The following PDE4B variants were observed in gnomAD, a reference collection of about 807,000 sequenced individuals.
PDE4B encodes phosphodiesterase 4B.
In PDE4B, 20 loss-of-function variants were observed where a neutral mutation model predicts 82.2. The ratio of observed to expected loss-of-function variants is 0.24; its 90% CI spans 0.17 to 0.35. The LOEUF is 0.35. PDE4B is among the 10% of genes least tolerant of loss of function. The pLI, the probability that PDE4B is intolerant of heterozygous loss-of-function variation, is 1.00. For synonymous variants in PDE4B, 320 were observed against 318.9 expected (o/e 1.00, Z -0.04); for missense variants, 655 against 907.2 (o/e 0.72, Z 3.57).
chr1:65,842,968 G>A (rs10493388), intron 1 of PDE4B, among the ~76,000 whole-genome samples: 10,930 of 152,190 alleles, frequency 0.072, 680 homozygotes, highest in East Asian at 0.34. Flanking sequence ...CAGACAGAGG[G>A]TGTTACATAT....
At chr1:65,830,354 A>G (rs1646068580) in intron 1 of PDE4B, among the ~76,000 whole-genome samples, 1 of 152,164 alleles carries the variant, frequency 6.6e-6, no homozygotes, top group Admixed American at 6.6e-5. Flanking sequence ...CTCTGCCTTG[A>G]GTGTGGACTG....
At chr1:65,909,842 A>C (rs1477976113) in intron 1 of PDE4B, among the ~76,000 whole-genome samples, 1 of 152,108 alleles carries the variant, frequency 6.6e-6, no homozygotes, top group East Asian at 1.9e-4. Context: ...TTTTAATATC[A>C]CTCCTTTTTG....
At chr1:65,886,170 A>T (rs973875340) in intron 1 of PDE4B, among the ~76,000 whole-genome samples, 1 of 152,000 alleles carries the variant, frequency 6.6e-6, no homozygotes, top group East Asian at 1.9e-4. Flanking sequence ...TAAATTGCTG[A>T]ATCTATCCAA....
chr1:66,156,801 ACT>A (rs1195422402), intron 3 of PDE4B, among the ~76,000 whole-genome samples: 2 of 151,778 alleles, frequency 1.3e-5, no homozygotes, highest in African/African-American at 4.8e-5. Flanking sequence ...TCCTGGAAAC[ACT>A]CTTCTTCACT....
chr1:66,198,447 A>T (rs1648528652), intron 3 of PDE4B, among the ~76,000 whole-genome samples: 1 of 152,176 alleles, frequency 6.6e-6, no homozygotes, highest in South Asian at 2.1e-4. Context: ...CATAAAGCAT[A>T]GTCAAGCTAG....
chr1:65,973,111 A>C (rs1650231349), intron 3 of PDE4B, among the ~76,000 whole-genome samples: 1 of 152,144 alleles, frequency 6.6e-6, no homozygotes, highest in Admixed American at 6.6e-5. Context: ...CAGCTCCAGA[A>C]CCATTTCCAT....
chr1:66,182,469 TCA>T (rs1325990181), intron 3 of PDE4B, among the ~76,000 whole-genome samples: 1 of 152,182 alleles, frequency 6.6e-6, no homozygotes, highest in Non-Finnish European at 1.5e-5. Flanking sequence ...CTTATTTAAT[TCA>T]GTTTTAATTG....
intron 3 of PDE4B, among the ~76,000 whole-genome samples, chr1:65,997,663 T>C (rs1651627274): frequency 6.6e-6 from 1 of 152,304 alleles, no homozygotes; most frequent in Non-Finnish European, 1.5e-5. Context: ...TCTTTACATG[T>C]TTATTGATTC....
intron 1 of PDE4B, among the ~76,000 whole-genome samples, chr1:65,894,264 A>G (rs1646885126): frequency 6.6e-6 from 1 of 152,212 alleles, no homozygotes; most frequent in African/African-American, 2.4e-5. Flanking sequence ...CCATGCCTAT[A>G]CCAGCAAGTA....
intron 15 of PDE4B, 145 bp from the exon 16 acceptor site, chr1:66,368,642 T>C (rs914619627): frequency 2.1e-6 from 1 of 485,696 alleles, no homozygotes; most frequent in African/African-American, 2.0e-5. Context: ...TGTAATTCCA[T>C]TTTTTTTCGG....
At chr1:66,011,223 CAAA>C (rs11372306) in intron 3 of PDE4B, among the ~76,000 whole-genome samples, 4 of 133,766 alleles carry the variant, frequency 3.0e-5, no homozygotes, top group African/African-American at 2.8e-5. Context: ...ATTCATCTGC[CAAA>C]AAAAAAAAAA....
At chr1:65,870,100 T>A (rs1233079134) in intron 1 of PDE4B, among the ~76,000 whole-genome samples, 1 of 152,182 alleles carries the variant, frequency 6.6e-6, no homozygotes, top group African/African-American at 2.4e-5. Flanking sequence ...TTTTACAGTA[T>A]CTTGCTAAGA....
At chr1:65,906,030 A>G (rs1569631669) in intron 1 of PDE4B, among the ~76,000 whole-genome samples, 1 of 152,124 alleles carries the variant, frequency 6.6e-6, no homozygotes, top group Non-Finnish European at 1.5e-5. Context: ...TTCATGATGG[A>G]TGGAAATGGG....
chr1:65,985,972 G>T (rs1650935476), intron 3 of PDE4B, among the ~76,000 whole-genome samples: 1 of 152,082 alleles, frequency 6.6e-6, no homozygotes. Flanking sequence ...AAAGAACAAA[G>T]AAATGTTAGC....
rs1427740268 is a variant in PDE4B at position 65,793,191 on chromosome 1, C to A, written c.-128C>A. The A allele has an allele frequency of 3.3e-5, 5 of 152,282 alleles. No individual in the cohort carries two copies. The highest frequency in any genetic ancestry group is 1.2e-4 in the African/African-American group (5 of 41,448). 9.4% of individuals were successfully genotyped at this position (152,282 alleles called of 1,614,324 possible). ...GGCGTCCAGAGCGCTGCGGCCGCGGCGGTGCAGCAGAGGCGCCTCGGGCAG... is the reference window on the plus strand; with the variant it reads ...GGCGTCCAGAGCGCTGCGGCCGCGGAGGTGCAGCAGAGGCGCCTCGGGCAG... On this transcript the variant is annotated 5_prime_UTR_variant, in exon 1 of 17. Coordinates refer to ENST00000341517, the MANE Select transcript of PDE4B (RefSeq NM_002600.4).
chr1:66,152,495 T>C (rs1483657335), intron 3 of PDE4B: 2 of 324,064 alleles, frequency 6.2e-6, no homozygotes, highest in East Asian at 1.5e-4. Flanking sequence ...TGGAAGCCAG[T>C]ATCAGTCATG....
At chr1:66,302,446 A>G (rs12030788) in intron 7 of PDE4B, among the ~76,000 whole-genome samples, 5,359 of 152,244 alleles carry the variant, frequency 0.035, 253 homozygotes, top group East Asian at 0.25. Context: ...TATTAAAATT[A>G]GCTTTCATTT....
At chr1:65,837,574 C>T (rs1041543427) in intron 1 of PDE4B, among the ~76,000 whole-genome samples, 3 of 152,184 alleles carry the variant, frequency 2.0e-5, no homozygotes, top group African/African-American at 7.2e-5. Context: ...TGCCACTGCT[C>T]TTCAGCCTGG....
intron 3 of PDE4B, among the ~76,000 whole-genome samples, chr1:66,243,783 A>G (rs1653075964): frequency 6.6e-6 from 1 of 152,222 alleles, no homozygotes; most frequent in South Asian, 2.1e-4. Flanking sequence ...CAGATGAGCA[A>G]TTGATTCAGT....
Sources: gnomAD v4.1 joint callset for allele counts (sites outside exome capture counted in the v4.1 genomes callset) on GRCh38, gnomAD v4.1.1 for gene constraint, MANE v1.5 for transcripts, NCBI Gene and HGNC (gene_info 2026-07-23, HGNC 2026-07-21) for gene names.